The following VAV3 variants were observed in gnomAD, a reference collection of about 807,000 sequenced individuals.
VAV3 encodes vav guanine nucleotide exchange factor 3.
In VAV3, 94 loss-of-function variants were observed where a neutral mutation model predicts 131.2. That is an observed-to-expected ratio of 0.72 (90% CI 0.61 to 0.85). The LOEUF (loss-of-function observed/expected upper bound fraction) is 0.85. Ranked by LOEUF, VAV3 falls within the 40% of genes least tolerant of loss-of-function variation. The pLI, the probability that VAV3 is intolerant of heterozygous loss-of-function variation, is 0.00. For synonymous variants in VAV3, 349 were observed against 342.0 expected (o/e 1.02, Z -0.22); for missense variants, 939 against 1,002.7 (o/e 0.94, Z 0.86).
chr1:107,597,492 C>T (rs1651490615), intron 24 of VAV3, among the ~76,000 whole-genome samples: 1 of 152,180 alleles, frequency 6.6e-6, no homozygotes, highest in South Asian at 2.1e-4. Flanking sequence ...GAATTCTCAT[C>T]TTGGAAGGGA....
At chr1:107,829,783 G>T (rs1209452357) in intron 2 of VAV3, among the ~76,000 whole-genome samples, 4 of 151,982 alleles carry the variant, frequency 2.6e-5, no homozygotes, top group Non-Finnish European at 4.4e-5. Flanking sequence ...AGCTTACATT[G>T]CTTTTAATTA....
At chr1:107,692,744 C>G (rs1284639771) in intron 17 of VAV3, among the ~76,000 whole-genome samples, 1 of 152,200 alleles carries the variant, frequency 6.6e-6, no homozygotes, top group Non-Finnish European at 1.5e-5. Context: ...GCAGGAGCAG[C>G]AGCTGGCCTA....
At chr1:107,850,861 C>CATAT (rs150171960) in intron 2 of VAV3, among the ~76,000 whole-genome samples, 2 of 151,302 alleles carry the variant, frequency 1.3e-5, no homozygotes, top group Non-Finnish European at 1.5e-5. Context: ...GGCTACCACA[C>CATAT]ATATATATAT....
intron 1 of VAV3, among the ~76,000 whole-genome samples, chr1:107,936,984 C>T (rs944866164): frequency 1.3e-5 from 2 of 152,058 alleles, no homozygotes; most frequent in Non-Finnish European, 2.9e-5. Context: ...CCAAAGACTA[C>T]GGGAAATGGG....
chr1:107,617,593 T>C lies in VAV3; in HGVS notation c.1954A>G (p.Ser652Gly). Residue 652 changes from serine (S) to glycine (G), a missense_variant, in exon 21 of 27, where the codon AGT becomes GGT. Transcript: ENST00000370056. ...LASGEVGFFP[S>G]DAVKPCPCVP... ...CATGGGCAAGGCTTGACTGCATCAC[T>C]TGGAAAAAATCCAACCTCTCCAGAT... The C allele has an allele frequency of 6.2e-7, 1 of 1,613,094 alleles. No individual in the cohort carries two copies. The highest frequency in any genetic ancestry group is 8.5e-7 in the Non-Finnish European group (1 of 1,179,548).
chr1:107,914,536 G>A (rs1381073368), intron 1 of VAV3, among the ~76,000 whole-genome samples: 1 of 152,202 alleles, frequency 6.6e-6, no homozygotes, highest in Non-Finnish European at 1.5e-5. Flanking sequence ...GTGAGCTAAT[G>A]CCCATGAAAG....
At chr1:107,771,193 A>T in intron 5 of VAV3, among the ~76,000 whole-genome samples, 1 of 151,714 alleles carries the variant, frequency 6.6e-6, no homozygotes, top group East Asian at 1.9e-4. Flanking sequence ...AGAGCACAAC[A>T]CTAAAATCAA....
chr1:107,597,226 T>TAAAAAAAAAAAA (rs11294561), intron 24 of VAV3, among the ~76,000 whole-genome samples: 2 of 137,990 alleles, frequency 1.4e-5, no homozygotes, highest in African/African-American at 2.6e-5. Context: ...AAATAAAAAA[T>TAAAAAAAAAAAA]AAAAAAAAAA....
At chr1:107,756,841 G>A (rs888390409) in intron 11 of VAV3, among the ~76,000 whole-genome samples, 1 of 152,028 alleles carries the variant, frequency 6.6e-6, no homozygotes, top group Admixed American at 6.6e-5. Flanking sequence ...GGGTTCTGAA[G>A]CCACCAGCTG....
At chr1:107,754,783 G>A (rs1217066969) in intron 12 of VAV3, among the ~76,000 whole-genome samples, 1 of 152,090 alleles carries the variant, frequency 6.6e-6, no homozygotes, top group African/African-American at 2.4e-5. Flanking sequence ...CCAACTCTGA[G>A]CATTTCACCT....
chr1:107,709,330 C>T (rs1178426326), intron 15 of VAV3, among the ~76,000 whole-genome samples: 3 of 152,050 alleles, frequency 2.0e-5, no homozygotes, highest in Non-Finnish European at 2.9e-5. Flanking sequence ...AAAAAATATG[C>T]TTTTACTGTA....
intron 2 of VAV3, among the ~76,000 whole-genome samples, chr1:107,866,556 C>T (rs911909364): frequency 1.5e-4 from 23 of 151,996 alleles, no homozygotes; most frequent in African/African-American, 5.1e-4. Context: ...GTGTCTCATG[C>T]CTATAATCCC....
At chr1:107,801,851 C>T (rs571758917) in intron 2 of VAV3, among the ~76,000 whole-genome samples, 1 of 152,198 alleles carries the variant, frequency 6.6e-6, no homozygotes, top group African/African-American at 2.4e-5. Flanking sequence ...TTTAACAGAA[C>T]AATATTAATT....
rs1039413256 is a variant in VAV3 at position 107,750,543 on chromosome 1, C to G, written c.1259+574G>C. Among the ~76,000 whole-genome samples, 4 of 152,106 alleles carry G rather than the reference C, an allele frequency of 2.6e-5. No homozygotes were observed. The East Asian group carries it at 7.7e-4, about 29-fold the overall frequency. On this transcript the variant is annotated intron_variant, in intron 13 of 26. Coordinates refer to ENST00000370056, the MANE Select transcript of VAV3 (RefSeq NM_006113.5). ...AAAGGACCTATGGAGCCAGGGTTAT[C>G]GAGGAAGAAGCAAGAGCTGATGCTG...
chr1:107,747,875 T>C (rs947481878), intron 15 of VAV3, among the ~76,000 whole-genome samples: 1 of 152,126 alleles, frequency 6.6e-6, no homozygotes, highest in African/African-American at 2.4e-5. Flanking sequence ...TTTTCCTAAT[T>C]TCAGAACCAC....
At chr1:107,863,088 T>A (rs1669816682) in intron 2 of VAV3, among the ~76,000 whole-genome samples, 1 of 152,154 alleles carries the variant, frequency 6.6e-6, no homozygotes, top group Non-Finnish European at 1.5e-5. Flanking sequence ...GTAAATGCCA[T>A]TAGAATTCTC....
intron 2 of VAV3, among the ~76,000 whole-genome samples, chr1:107,856,767 T>C (rs577442125): frequency 6.6e-6 from 1 of 152,176 alleles, no homozygotes; most frequent in Non-Finnish European, 1.5e-5. Context: ...CCAGGCATGG[T>C]GGCTCACACC....
At chr1:107,658,273 T>C (rs1015890454) in intron 19 of VAV3, among the ~76,000 whole-genome samples, 1 of 152,242 alleles carries the variant, frequency 6.6e-6, no homozygotes, top group African/African-American at 2.4e-5. Context: ...ACAAAGGACA[T>C]GAACTCATCA....
intron 25 of VAV3, among the ~76,000 whole-genome samples, chr1:107,595,685 T>C (rs1411484342): frequency 6.6e-6 from 1 of 152,166 alleles, no homozygotes; most frequent in African/African-American, 2.4e-5. Flanking sequence ...TTGTGATTAG[T>C]TGTAGCACAC....
Sources: gnomAD v4.1 joint callset for allele counts (sites outside exome capture counted in the v4.1 genomes callset) on GRCh38, gnomAD v4.1.1 for gene constraint, MANE v1.5 for transcripts, NCBI Gene and HGNC (gene_info 2026-07-23, HGNC 2026-07-21) for gene names.